The following KLHL25 variants were observed in gnomAD, a reference collection of about 807,000 sequenced individuals.
KLHL25 encodes the protein kelch like family member 25.
In KLHL25, 41 loss-of-function variants were observed where a neutral mutation model predicts 30.0. That is an observed-to-expected ratio of 1.37 (90% CI 1.07 to 1.78). The LOEUF is 1.78. Among genes scored for constraint, KLHL25 ranks in the 40% most tolerant of loss-of-function variants. KLHL25 has a pLI of 0.00. For synonymous variants in KLHL25, 399 were observed against 355.3 expected (o/e 1.12, Z -1.38); for missense variants, 971 against 824.5 (o/e 1.18, Z -2.18).
intron 1 of KLHL25, among the ~76,000 whole-genome samples, chr15:85,779,047 T>TTA (rs2089728027): frequency 1.4e-5 from 2 of 139,544 alleles, no homozygotes; most frequent in Non-Finnish European, 3.1e-5. Context: ...CACCAACAAT[T>TTA]TTTTTTTTTT....
chr15:85,794,087 AGCCAGGGC>A (rs1420873525), intron 1 of KLHL25, among the ~76,000 whole-genome samples: 1 of 152,192 alleles, frequency 6.6e-6, no homozygotes, highest in African/African-American at 2.4e-5. Context: ...TGTGTCTCGG[AGCCAGGGC>A]AAGTGTGGTA....
intron 1 of KLHL25, among the ~76,000 whole-genome samples, chr15:85,776,873 C>A (rs1050630963): frequency 6.6e-6 from 1 of 151,668 alleles, no homozygotes; most frequent in South Asian, 2.1e-4. Flanking sequence ...TGCAGTGAGC[C>A]GAGATGCCAC....
At position 85,780,392 on chromosome 15, in the gene KLHL25, TGAG is replaced by T. The variant is rs548532352; in HGVS notation, c.-10-10575_-10-10573del. On this transcript the variant is annotated intron_variant, in intron 1 of 2. Transcript: ENST00000337975. Reference sequence around the variant, plus strand: ...TCCCTCCAAAGCAAACGTGGCCTCCTGAGGAGGATTCCCCCTCTATGGCAGGAC... The same window carrying T: ...TCCCTCCAAAGCAAACGTGGCCTCCTGAGGATTCCCCCTCTATGGCAGGAC... 3.7e-3 allele frequency among the ~76,000 whole-genome samples: 560 copies of T among 152,336 alleles called. 3 individuals carry two copies. The highest frequency in any genetic ancestry group is 5.9e-3 in the Non-Finnish European group (400 of 68,024).
chr15:85,786,520 TGG>T (rs2089782449), intron 1 of KLHL25, among the ~76,000 whole-genome samples: 1 of 152,266 alleles, frequency 6.6e-6, no homozygotes, highest in Non-Finnish European at 1.5e-5. Context: ...TGCCCCTTTC[TGG>T]GCCTTTCTCT....
intron 1 of KLHL25, among the ~76,000 whole-genome samples, chr15:85,774,178 T>C (rs916773740): frequency 6.6e-5 from 10 of 152,150 alleles, no homozygotes; most frequent in African/African-American, 2.4e-4. Flanking sequence ...CTCACGTCTT[T>C]GGAGCCATAA....
rs1251304026 is a variant in KLHL25 at position 85,768,861 on chromosome 15, G to C, written c.950C>G (p.Ala317Gly). 2 of 1,613,344 alleles carry C rather than the reference G, an allele frequency of 1.2e-6. No individual in the cohort carries two copies. Among genetic ancestry groups the C allele is most frequent in the South Asian group, 2.2e-5 (2 of 91,080 alleles). Residue 317 changes from alanine (A) to glycine (G), a missense_variant, in exon 2 of 3, where the codon GCC becomes GGC. Coordinates refer to ENST00000337975, the MANE Select transcript of KLHL25 (RefSeq NM_022480.4). Reference sequence around the variant, plus strand: ...GTCGGCCTTGGGGATGATCTCCTTGGCCTTGTGGTCCACCTGGTAGATCTT... The same window carrying C: ...GTCGGCCTTGGGGATGATCTCCTTGCCCTTGTGGTCCACCTGGTAGATCTT... ...CDKIYQVDHK[A>G]KEIIPKADLP...
At chr15:85,788,005 G>C (rs2151813393) in intron 1 of KLHL25, among the ~76,000 whole-genome samples, 1 of 132,784 alleles carries the variant, frequency 7.5e-6, no homozygotes, top group East Asian at 2.2e-4. Flanking sequence ...GAGGTGAGCT[G>C]AGATCGCGCC....
intron 2 of KLHL25, among the ~76,000 whole-genome samples, chr15:85,765,841 A>C (rs1186524380): frequency 6.7e-6 from 1 of 149,430 alleles, no homozygotes; most frequent in Non-Finnish European, 1.5e-5. Context: ...AAAAAAAAAA[A>C]AGAAAAAGAA....
chr15:85,769,029 C>T lies in KLHL25; in HGVS notation c.782G>A (p.Arg261His), dbSNP rs778194871. ...GGCCTCATCCATGATAAGCTTGGTGCGCTCGTCTGCCATGAGGAGGGCCTC... is the reference window on the plus strand; with the variant it reads ...GGCCTCATCCATGATAAGCTTGGTGTGCTCGTCTGCCATGAGGAGGGCCTC... Reference protein sequence around the residue: ...SSEALLMADERTKLIMDEALR... With the variant: ...SSEALLMADEHTKLIMDEALR... The change falls in exon 2 of 3, where the codon CGC becomes CAC. Residue 261 changes from arginine (R) to histidine (H), a missense_variant. By Grantham distance (29) the Arg-to-His change is conservative. Coordinates refer to ENST00000337975, the MANE Select transcript of KLHL25 (RefSeq NM_022480.4). The T allele has an allele frequency of 1.9e-5, 30 of 1,609,018 alleles. No homozygotes were observed. The highest frequency in any genetic ancestry group is 5.5e-5 in the South Asian group (5 of 90,916).
intron 1 of KLHL25, chr15:85,770,869 T>C (rs1000076838): frequency 6.1e-6 from 2 of 325,896 alleles, no homozygotes; most frequent in African/African-American, 4.4e-5. Flanking sequence ...ACTTGCTCAA[T>C]CTAGGGGAAT....
At chr15:85,794,305 C>T (rs1255617087) in intron 1 of KLHL25, among the ~76,000 whole-genome samples, 1 of 152,242 alleles carries the variant, frequency 6.6e-6, no homozygotes, top group African/African-American at 2.4e-5. Context: ...CTTGTGAACC[C>T]CGGGCCCTCG....
chr15:85,785,683 A>G (rs1303907006), intron 1 of KLHL25, among the ~76,000 whole-genome samples: 5 of 152,108 alleles, frequency 3.3e-5, no homozygotes, highest in Non-Finnish European at 1.5e-5. Flanking sequence ...TGTACAACAC[A>G]GCAAAGGACC....
In KLHL25 at chr15:85,769,589, C is replaced by T. The variant is rs779342029; in HGVS notation, c.222G>A (p.Met74Ile). 4.3e-6 allele frequency: 7 copies of T among 1,613,804 alleles called. No homozygotes were observed. Among genetic ancestry groups the T allele is most frequent in the Non-Finnish European group, 5.1e-6 (6 of 1,180,038 alleles). The change falls in exon 2 of 3, where the codon ATG (methionine) becomes ATA (isoleucine). Residue 74 changes from methionine to isoleucine, a missense_variant. By Grantham distance (10) the Met-to-Ile change is conservative. Transcript: ENST00000337975. ...LAASSRYFEA[M>I]FSHGLRESRD... ...GGCTCTCCCGAAGGCCATGGCTGAA[C>T]ATGGCCTCAAAATAGCGGCTAGAGG...
chr15:85,771,806 T>C (rs957560781), intron 1 of KLHL25, among the ~76,000 whole-genome samples: 1 of 152,192 alleles, frequency 6.6e-6, no homozygotes, highest in Admixed American at 6.5e-5. Flanking sequence ...TCACTATTAT[T>C]TTCTTGTAAA....
At chr15:85,784,100 C>T (rs542996405) in intron 1 of KLHL25, among the ~76,000 whole-genome samples, 1 of 152,332 alleles carries the variant, frequency 6.6e-6, no homozygotes, top group South Asian at 2.1e-4. Context: ...CGACCTGATT[C>T]CTGTGATCAT....
chr15:85,778,065 T>C (rs1367941550), intron 1 of KLHL25, among the ~76,000 whole-genome samples: 1 of 152,216 alleles, frequency 6.6e-6, no homozygotes, highest in Non-Finnish European at 1.5e-5. Flanking sequence ...AGGAGAAAGA[T>C]TTTATTTCTT....
intron 1 of KLHL25, among the ~76,000 whole-genome samples, chr15:85,775,231 AGCAGG>A (rs2089702198): frequency 1.3e-5 from 2 of 152,180 alleles, no homozygotes; most frequent in African/African-American, 4.8e-5. Context: ...TCTCTGGGTT[AGCAGG>A]AAAGCACCTT....
chr15:85,780,798 C>T (rs1458144064), intron 1 of KLHL25, among the ~76,000 whole-genome samples: 1 of 152,236 alleles, frequency 6.6e-6, no homozygotes, highest in African/African-American at 2.4e-5. Context: ...GGCACAATCT[C>T]TTCAGACAAC....
chr15:85,783,534 A>C (rs1417974128), intron 1 of KLHL25, among the ~76,000 whole-genome samples: 2 of 151,972 alleles, frequency 1.3e-5, no homozygotes, highest in African/African-American at 4.8e-5. Flanking sequence ...TCTACTAAAA[A>C]TAGAAAAATT....
Sources: gnomAD v4.1 joint callset for allele counts (sites outside exome capture counted in the v4.1 genomes callset) on GRCh38, gnomAD v4.1.1 for gene constraint, MANE v1.5 for transcripts, NCBI Gene and HGNC (gene_info 2026-07-23, HGNC 2026-07-21) for gene names.